Variants in DPP10 observed in about 807,000 individuals in gnomAD.
The protein encoded by DPP10 is dipeptidyl peptidase like 10.
A neutral mutation model predicts 120.9 loss-of-function variants in DPP10; 33 were observed. That is an observed-to-expected ratio of 0.27 (90% CI 0.21 to 0.37). The LOEUF is 0.37. Ranked by LOEUF, DPP10 falls within the 10% of genes least tolerant of loss-of-function variation. DPP10 has a pLI of 1.00. For synonymous variants in DPP10, 337 were observed against 326.1 expected (o/e 1.03, Z -0.36); for missense variants, 816 against 942.8 (o/e 0.87, Z 1.76).
intron 2 of DPP10, among the ~76,000 whole-genome samples, chr2:115,334,228 C>CTTTTTTTTTTTTTTTTTT (rs1393213758): frequency 4.5e-5 from 1 of 22,322 alleles, no homozygotes; most frequent in African/African-American, 1.1e-4. Context: ...AGAGCAGACT[C>CTTTTTTTTTTTTTTTTTT]TGTTTTTTTT....
chr2:115,542,704 A>G (rs191296552), intron 5 of DPP10, among the ~76,000 whole-genome samples: 43 of 151,736 alleles, frequency 2.8e-4, no homozygotes, highest in South Asian at 1.9e-3. Context: ...TAAAAAAAAA[A>G]AGAGAGAGAT....
chr2:114,570,660 CT>C (rs1471057141), intron 1 of DPP10, among the ~76,000 whole-genome samples: 1 of 150,104 alleles, frequency 6.7e-6, no homozygotes, highest in African/African-American at 2.5e-5. Context: ...CCCGTCTCTA[CT>C]AAAAAAATAC....
rs188411638 is a variant in DPP10 at position 115,345,587 on chromosome 2, A to G, written c.271+1675A>G. Among the ~76,000 whole-genome samples the G allele has an allele frequency of 2.5e-3, 377 of 152,208 alleles. 1 individual carries two copies. Among genetic ancestry groups the G allele is most frequent in the Middle Eastern group, 0.01 (3 of 294 alleles). The stretch of plus-strand genomic sequence containing the variant: ...GTTTTATTCACCATGTTTTTGGACA[A>G]ATTATAGACATTTTGTAGTCTTTGA... On this transcript the variant is annotated intron_variant, in intron 3 of 25. Coordinates refer to ENST00000410059, the MANE Select transcript of DPP10 (RefSeq NM_020868.6).
chr2:115,365,348 C>G (rs1243096379), intron 3 of DPP10, among the ~76,000 whole-genome samples: 2 of 151,860 alleles, frequency 1.3e-5, no homozygotes. Context: ...TGGACTCTCA[C>G]AGAGGAACAT....
chr2:115,355,802 T>C (rs1187767772), intron 3 of DPP10, among the ~76,000 whole-genome samples: 1 of 152,248 alleles, frequency 6.6e-6, no homozygotes, highest in Non-Finnish European at 1.5e-5. Context: ...GCAACATTTA[T>C]TGAATAGGAG....
intron 3 of DPP10, among the ~76,000 whole-genome samples, chr2:115,412,432 A>G (rs914102203): frequency 6.6e-6 from 1 of 152,252 alleles, no homozygotes; most frequent in African/African-American, 2.4e-5. Flanking sequence ...TACTAAGAAG[A>G]GCAGATATTG....
intron 1 of DPP10, among the ~76,000 whole-genome samples, chr2:114,940,361 A>G (rs1696801608): frequency 6.6e-6 from 1 of 152,122 alleles, no homozygotes; most frequent in Non-Finnish European, 1.5e-5. Context: ...TAGAGGCCAG[A>G]CACATGTTTT....
chr2:115,779,788 G>GA (rs1174904004), intron 15 of DPP10, among the ~76,000 whole-genome samples: 1 of 151,532 alleles, frequency 6.6e-6, no homozygotes, highest in Non-Finnish European at 1.5e-5. Context: ...TTTATAAAAT[G>GA]AAAAAAAATG....
At chr2:115,644,862 C>A (rs2087104647) in intron 5 of DPP10, among the ~76,000 whole-genome samples, 1 of 152,052 alleles carries the variant, frequency 6.6e-6, no homozygotes, top group Non-Finnish European at 1.5e-5. Context: ...CACTAATCTC[C>A]ATATTTTAAT....
chr2:115,043,342 CT>C (rs1482475947), intron 1 of DPP10, among the ~76,000 whole-genome samples: 12 of 152,250 alleles, frequency 7.9e-5, no homozygotes, highest in African/African-American at 2.9e-4. Flanking sequence ...GTTGATTGGC[CT>C]TAAATGAACA....
In DPP10 at chr2:114,942,090, G is replaced by A. The variant is rs573340036; in HGVS notation, c.61-367149G>A. On this transcript the variant is annotated intron_variant, in intron 1 of 25. Transcript: ENST00000410059. Reference sequence around the variant, plus strand: ...AGATCGAGACCATCCTGGGTAACACGGTAAAACCCCATCTCTACTAAAAAT... The same window carrying A: ...AGATCGAGACCATCCTGGGTAACACAGTAAAACCCCATCTCTACTAAAAAT... Among the ~76,000 whole-genome samples the A allele has an allele frequency of 8.6e-5, 13 of 151,160 alleles. No individual in the cohort carries two copies. In the South Asian group the frequency reaches 2.5e-3, roughly 29 times the overall value.
chr2:114,569,704 G>A (rs1173461955), intron 1 of DPP10, among the ~76,000 whole-genome samples: 2 of 152,100 alleles, frequency 1.3e-5, no homozygotes, highest in African/African-American at 4.8e-5. Flanking sequence ...GTGGGTGGCA[G>A]GATAAAGAAG....
rs1341255095 is a variant in DPP10 at position 114,822,291 on chromosome 2, C to T, written c.60+379453C>T. Among the ~76,000 whole-genome samples the T allele has an allele frequency of 2.0e-5, 3 of 152,120 alleles. No homozygotes were observed. The East Asian group carries it at 5.8e-4, about 29-fold the overall frequency. On this transcript the variant is annotated intron_variant, in intron 1 of 25. Transcript: ENST00000410059. The stretch of plus-strand genomic sequence containing the variant: ...AACCTTGAGGCTTGCACTCTGAAGC[C>T]ATGACCCAATCTGTACCTTGGCCCC...
chr2:115,071,553 T>C lies in DPP10; in HGVS notation c.61-237686T>C, dbSNP rs377084967. Among the ~76,000 whole-genome samples, 142 of 152,298 alleles carry C rather than the reference T, an allele frequency of 9.3e-4. 2 individuals are homozygous for C. The highest frequency in any genetic ancestry group is 3.3e-3 in the African/African-American group (136 of 41,570). ...ATCATGACAAATGAGGGTTCTGGCA[T>C]CTGTCTGGATTCGGTGATCAGGTGA... On this transcript the variant is annotated intron_variant, in intron 1 of 25. Transcript: ENST00000410059.
chr2:114,456,921 T>C (rs918181374), intron 1 of DPP10, among the ~76,000 whole-genome samples: 2 of 152,146 alleles, frequency 1.3e-5, no homozygotes, highest in Non-Finnish European at 2.9e-5. Flanking sequence ...GGTTATAGAG[T>C]CCAAGTTCTG....
intron 3 of DPP10, among the ~76,000 whole-genome samples, chr2:115,408,920 A>T (rs548536148): frequency 6.6e-6 from 1 of 152,254 alleles, no homozygotes; most frequent in African/African-American, 2.4e-5. Context: ...ACACAGATCA[A>T]ATCCAAAGTA....
At chr2:115,120,234 C>T (rs187678107) in intron 1 of DPP10, among the ~76,000 whole-genome samples, 1 of 152,288 alleles carries the variant, frequency 6.6e-6, no homozygotes, top group East Asian at 1.9e-4. Flanking sequence ...AGTACCCATA[C>T]CAGCTATAAT....
chr2:115,633,064 A>G (rs1411021532), intron 5 of DPP10, among the ~76,000 whole-genome samples: 5 of 152,244 alleles, frequency 3.3e-5, no homozygotes, highest in African/African-American at 1.2e-4. Flanking sequence ...CATTTGACCC[A>G]GCCATCCCAT....
At chr2:114,677,290 T>C (rs186549172) in intron 1 of DPP10, among the ~76,000 whole-genome samples, 38 of 152,242 alleles carry the variant, frequency 2.5e-4, no homozygotes, top group Admixed American at 7.9e-4. Context: ...ACAGTTGTGA[T>C]TGTACATTTA....
Sources: gnomAD v4.1 joint callset for allele counts (sites outside exome capture counted in the v4.1 genomes callset) on GRCh38, gnomAD v4.1.1 for gene constraint, MANE v1.5 for transcripts, NCBI Gene and HGNC (gene_info 2026-07-23, HGNC 2026-07-21) for gene names.